MBTPS1: variants seen among roughly 807,000 people sequenced by gnomAD.
The protein encoded by MBTPS1 is membrane-bound transcription factor site-1 protease.
In MBTPS1, 94 loss-of-function variants were observed where a neutral mutation model predicts 127.8. The ratio of observed to expected loss-of-function variants is 0.74; its 90% CI spans 0.62 to 0.87. The LOEUF (loss-of-function observed/expected upper bound fraction) is 0.87. MBTPS1 is among the 40% of genes least tolerant of loss of function. The probability of loss-of-function intolerance (pLI) is 0.00; values close to 1 mark genes in which losing one functional copy is unlikely to be tolerated. For missense variants in MBTPS1, 1,636 were observed against 1,353.2 expected, an observed-to-expected ratio of 1.21 and a Z score of -3.28; for synonymous variants, 632 against 509.4, an observed-to-expected ratio of 1.24 and a Z score of -3.24.
In MBTPS1 at chr16:84,091,659, G is replaced by C. The variant is rs369806899; in HGVS notation, c.963+73C>G. Reference sequence around the variant, plus strand: ...TGGATGAAAAGCCACCAACACACTAGATATGATGCAAAGTTGGGCTGCGAA... The same window carrying C: ...TGGATGAAAAGCCACCAACACACTACATATGATGCAAAGTTGGGCTGCGAA... On this transcript the variant is annotated intron_variant, in intron 7 of 22. Coordinates refer to ENST00000343411, the MANE Select transcript of MBTPS1 (RefSeq NM_003791.4). 18 of 982,452 alleles carry C rather than the reference G, an allele frequency of 1.8e-5. No homozygotes were observed. The Admixed American group carries it at 2.0e-4, about 11-fold the overall frequency. The allele number at this position is 982,452 out of a possible 1,614,324, so 60.9% of individuals were successfully genotyped here. A position where few individuals can be genotyped will look rare whatever the true frequency, so the allele number is the denominator to read the frequency against.
intron 11 of MBTPS1, among the ~76,000 whole-genome samples, chr16:84,078,557 T>C (rs543437417): frequency 1.3e-5 from 2 of 152,322 alleles, no homozygotes; most frequent in African/African-American, 2.4e-5. Context: ...TTTTAGCAAT[T>C]TACCCTGAAG....
chr16:84,058,337 C>T (rs938302407), intron 21 of MBTPS1, among the ~76,000 whole-genome samples: 6 of 152,220 alleles, frequency 3.9e-5, no homozygotes, highest in African/African-American at 7.2e-5. Flanking sequence ...AGGTGGCCTC[C>T]GTCCCTGGCC....
chr16:84,072,721 C>T (rs2085788857), intron 12 of MBTPS1, among the ~76,000 whole-genome samples: 1 of 152,074 alleles, frequency 6.6e-6, no homozygotes, highest in Non-Finnish European at 1.5e-5. Context: ...ACCCGGGAGA[C>T]GGAGCTTGCA....
At chr16:84,066,345 C>T (rs1217633509) in intron 17 of MBTPS1, 144 bp downstream of exon 17, 3 of 810,662 alleles carry the variant, frequency 3.7e-6, no homozygotes, top group East Asian at 5.8e-5. Context: ...CACAGATGTA[C>T]TTTTGAAAAT....
At chr16:84,088,208 CA>C (rs1010585601) in intron 8 of MBTPS1, among the ~76,000 whole-genome samples, 3 of 151,750 alleles carry the variant, frequency 2.0e-5, no homozygotes, top group African/African-American at 4.8e-5. Context: ...GCTCCACTAC[CA>C]AAAAAAATGA....
chr16:84,085,353 G>A (rs112242913), intron 9 of MBTPS1, among the ~76,000 whole-genome samples: 2,148 of 152,248 alleles, frequency 0.014, 18 homozygotes, highest in South Asian at 0.025. Flanking sequence ...GACTGCTTGA[G>A]CCCAGGAGTT....
chr16:84,089,809 A>T (rs2086078815), intron 8 of MBTPS1, among the ~76,000 whole-genome samples: 1 of 152,210 alleles, frequency 6.6e-6, no homozygotes, highest in East Asian at 1.9e-4. Context: ...AAACACTGAC[A>T]CCTGGTGACT....
intron 1 of MBTPS1, among the ~76,000 whole-genome samples, chr16:84,102,950 T>C (rs1010292466): frequency 1.3e-5 from 2 of 152,202 alleles, no homozygotes; most frequent in Non-Finnish European, 2.9e-5. Context: ...AAAACCAGAT[T>C]ATCTCTTTAC....
chr16:84,059,645 A>T (rs1294394972), intron 20 of MBTPS1: 1 of 445,010 alleles, frequency 2.2e-6, no homozygotes, highest in Admixed American at 3.7e-5. Flanking sequence ...GGGTGAGAAA[A>T]TCAGAACCGT....
chr16:84,096,528 A>T (rs2086182154), intron 3 of MBTPS1, among the ~76,000 whole-genome samples: 1 of 152,258 alleles, frequency 6.6e-6, no homozygotes, highest in Admixed American at 6.5e-5. Flanking sequence ...GTACCACAGA[A>T]ATGGCCTAAG....
At chr16:84,081,951 G>C in intron 10 of MBTPS1, 43 bp from the exon 11 acceptor site, 2 of 1,342,744 alleles carry the variant, frequency 1.5e-6, no homozygotes, top group Non-Finnish European at 9.7e-7. Flanking sequence ...CTCAGTAAAA[G>C]AATGGAAATT....
chr16:84,108,023 T>C (rs980036184), intron 1 of MBTPS1, among the ~76,000 whole-genome samples: 1 of 151,748 alleles, frequency 6.6e-6, no homozygotes, highest in Non-Finnish European at 1.5e-5. Flanking sequence ...AAAGAGATCT[T>C]GTCCCCACAG....
At chr16:84,077,408 G>A (rs956790328) in intron 11 of MBTPS1, among the ~76,000 whole-genome samples, 6 of 152,100 alleles carry the variant, frequency 3.9e-5, no homozygotes, top group African/African-American at 1.4e-4. Context: ...ACAGACCAGT[G>A]GAACAGAATG....
At position 84,069,962 on chromosome 16, in the gene MBTPS1, C is replaced by T; in HGVS notation, c.1859G>A (p.Ser620Asn). The T allele has an allele frequency of 1.2e-6, 2 of 1,614,136 alleles. No homozygotes were observed. Among genetic ancestry groups the T allele is most frequent in the Non-Finnish European group, 1.7e-6 (2 of 1,179,992 alleles). ...KVKIIPTPPR[S>N]KRVLWDQYHN... ...GTACTGATCCCAGAGAACTCTCTTGCTTCGCGGGGGAGTAGGAATTATCTT... is the reference window on the plus strand; with the variant it reads ...GTACTGATCCCAGAGAACTCTCTTGTTTCGCGGGGGAGTAGGAATTATCTT... Residue 620 changes from serine to asparagine, a missense_variant, in exon 14 of 23, where the codon AGC becomes AAC. By Grantham distance (46) the Ser-to-Asn change is conservative. Transcript: ENST00000343411.
chr16:84,097,412 A>T (rs927616063), intron 3 of MBTPS1, among the ~76,000 whole-genome samples: 4 of 152,206 alleles, frequency 2.6e-5, no homozygotes, highest in Non-Finnish European at 4.4e-5. Flanking sequence ...TTCAAGATGG[A>T]AAAGACGCTT....
At chr16:84,093,147 G>A (rs1336910591) in intron 6 of MBTPS1, 41 bp downstream of exon 6, 4 of 1,290,318 alleles carry the variant, frequency 3.1e-6, no homozygotes, top group Non-Finnish European at 4.5e-6. Flanking sequence ...TTACATTTCA[G>A]TATGAATTCC....
intron 8 of MBTPS1, among the ~76,000 whole-genome samples, chr16:84,089,770 A>G (rs1228616393): frequency 6.6e-6 from 1 of 152,196 alleles, no homozygotes; most frequent in African/African-American, 2.4e-5. Flanking sequence ...TGGGGTGGGA[A>G]AAGACTCAAG....
chr16:84,092,878 C>A (rs1216224787), intron 6 of MBTPS1, among the ~76,000 whole-genome samples: 1 of 152,142 alleles, frequency 6.6e-6, no homozygotes, highest in Admixed American at 6.5e-5. Flanking sequence ...TGCAGACAAC[C>A]GACCCAGGGT....
chr16:84,084,591 C>G (rs1276484148), intron 10 of MBTPS1, among the ~76,000 whole-genome samples: 1 of 152,066 alleles, frequency 6.6e-6, no homozygotes, highest in African/African-American at 2.4e-5. Flanking sequence ...AAGTGAATCC[C>G]CAAGGAAATG....
Sources: gnomAD v4.1 joint callset for allele counts (sites outside exome capture counted in the v4.1 genomes callset) on GRCh38, gnomAD v4.1.1 for gene constraint, MANE v1.5 for transcripts, NCBI Gene and HGNC (gene_info 2026-07-23, HGNC 2026-07-21) for gene names.